Variants in XIRP2 observed in about 807,000 individuals in gnomAD.
XIRP2 encodes the protein xin actin-binding repeat-containing protein 2.
Under a neutral mutation model 277.0 loss-of-function variants are expected in XIRP2, and 236 were observed. The observed-to-expected ratio is 0.85, with a 90% CI of 0.77 to 0.95. The LOEUF (loss-of-function observed/expected upper bound fraction) is 0.95, where lower values mean the gene tolerates loss of function less well. Ranked by LOEUF, XIRP2 falls within the 40% of genes least tolerant of loss-of-function variation. XIRP2 has a pLI of 0.00. For synonymous variants in XIRP2, 1,490 were observed against 1,416.5 expected (o/e 1.05, Z -1.17); for missense variants, 4,640 against 4,157.5 (o/e 1.12, Z -3.19).
At chr2:166,972,593 A>G (rs1686609382) in intron 2 of XIRP2, among the ~76,000 whole-genome samples, 1 of 152,194 alleles carries the variant, frequency 6.6e-6, no homozygotes. Context: ...AACTCCAGCC[A>G]TAAAGTTTTA....
chr2:167,217,134 G>A (rs978207091), intron 4 of XIRP2, among the ~76,000 whole-genome samples: 6 of 133,622 alleles, frequency 4.5e-5, no homozygotes, highest in African/African-American at 5.7e-5. Context: ...GGACTGTGGT[G>A]GGGTGGGGGG....
chr2:166,918,767 G>A (rs1487298264), intron 2 of XIRP2, among the ~76,000 whole-genome samples: 5 of 152,060 alleles, frequency 3.3e-5, no homozygotes, highest in Non-Finnish European at 7.4e-5. Context: ...GGTTAAATAA[G>A]ATATTAAGAT....
At chr2:167,057,289 A>G (rs1203434322) in intron 2 of XIRP2, among the ~76,000 whole-genome samples, 1 of 152,140 alleles carries the variant, frequency 6.6e-6, no homozygotes, top group Admixed American at 6.6e-5. Flanking sequence ...AAGTTTTCGG[A>G]TCACCAGGAA....
intron 2 of XIRP2, among the ~76,000 whole-genome samples, chr2:167,098,031 G>A (rs1192196009): frequency 6.6e-6 from 1 of 152,086 alleles, no homozygotes; most frequent in East Asian, 1.9e-4. Flanking sequence ...GTGTCTTGGG[G>A]TTGCTCTTCT....
In XIRP2 at chr2:167,251,702, C is replaced by T. The variant is rs371282264; in HGVS notation, c.10310C>T (p.Ser3437Phe). Residue 3437 changes from serine to phenylalanine, a missense_variant, in exon 9 of 11, where the codon TCT (serine) becomes TTT (phenylalanine). Ser to Phe is a radical substitution (Grantham distance 155). Coordinates refer to ENST00000409195, the MANE Select transcript of XIRP2 (RefSeq NM_152381.6). ...SQIVESKMKT[S>F]SSHSSEAGKS... ...ATTGTTGAGTCGAAGATGAAAACCT[C>T]TTCATCACATAGCTCAGAAGCTGGC... 6.2e-7 allele frequency: 1 copy of T among 1,613,362 alleles called. No homozygotes were observed. The highest frequency in any genetic ancestry group is 1.3e-5 in the African/African-American group (1 of 74,950).
At chr2:167,122,279 G>A (rs570146498) in intron 2 of XIRP2, among the ~76,000 whole-genome samples, 8 of 152,140 alleles carry the variant, frequency 5.3e-5, no homozygotes, top group Non-Finnish European at 1.0e-4. Context: ...CAAAAATGGG[G>A]TAAGAACCAG....
At chr2:167,149,397 A>G (rs16853061) in intron 3 of XIRP2, among the ~76,000 whole-genome samples, 26,303 of 152,062 alleles carry the variant, frequency 0.17, 3,350 homozygotes, top group African/African-American at 0.36. Context: ...AAACAAGACT[A>G]TATAAAAATC....
intron 2 of XIRP2, among the ~76,000 whole-genome samples, chr2:167,016,911 A>T (rs1687842098): frequency 6.6e-6 from 1 of 151,984 alleles, no homozygotes; most frequent in Admixed American, 6.6e-5. Flanking sequence ...TAGTTCTTAT[A>T]TCATGCTTTT....
intron 2 of XIRP2, among the ~76,000 whole-genome samples, chr2:166,915,370 G>A (rs889398462): frequency 3.3e-5 from 5 of 151,576 alleles, no homozygotes; most frequent in Admixed American, 2.0e-4. Context: ...AAGCATGTGG[G>A]ATACACTTGC....
intron 3 of XIRP2, among the ~76,000 whole-genome samples, chr2:167,144,554 A>G (rs917279143): frequency 1.7e-4 from 26 of 152,128 alleles, no homozygotes; most frequent in Non-Finnish European, 1.6e-4. Flanking sequence ...GTTTTGTTTA[A>G]TATTTCAGCA....
At chr2:166,895,930 G>A (rs1558906761) in intron 1 of XIRP2, among the ~76,000 whole-genome samples, 1 of 152,124 alleles carries the variant, frequency 6.6e-6, no homozygotes, top group African/African-American at 2.4e-5. Context: ...GATATACTAA[G>A]AAGAAAACAG....
At chr2:166,987,167 G>C (rs747610998) in intron 2 of XIRP2, among the ~76,000 whole-genome samples, 2 of 152,106 alleles carry the variant, frequency 1.3e-5, no homozygotes, top group Non-Finnish European at 2.9e-5. Flanking sequence ...GGGATGAGGA[G>C]AAGAAAAAAT....
intron 2 of XIRP2, among the ~76,000 whole-genome samples, chr2:167,048,897 T>C (rs1265401207): frequency 6.6e-6 from 1 of 151,938 alleles, no homozygotes; most frequent in Admixed American, 6.6e-5. Context: ...CCTAGAATCT[T>C]GGTGTGAAAT....
intron 2 of XIRP2, among the ~76,000 whole-genome samples, chr2:166,925,333 A>G (rs1185001492): frequency 6.6e-6 from 1 of 151,872 alleles, no homozygotes; most frequent in East Asian, 1.9e-4. Context: ...TTACTGAATG[A>G]CTGATGCATT....
intron 2 of XIRP2, among the ~76,000 whole-genome samples, chr2:167,025,661 T>G (rs571737073): frequency 0.03 from 4,560 of 152,180 alleles, 76 homozygotes; most frequent in East Asian, 0.081. Context: ...TGTGTCTTTG[T>G]TCTCATTGGT....
At chr2:166,922,706 A>G (rs1401811556) in intron 2 of XIRP2, among the ~76,000 whole-genome samples, 3 of 151,674 alleles carry the variant, frequency 2.0e-5, no homozygotes, top group African/African-American at 7.3e-5. Context: ...CAGCAAGCCG[A>G]GATCACACCA....
At chr2:166,900,205 C>A (rs943634963) in intron 1 of XIRP2, among the ~76,000 whole-genome samples, 2 of 151,900 alleles carry the variant, frequency 1.3e-5, no homozygotes, top group South Asian at 2.1e-4. Flanking sequence ...AGATTTGATA[C>A]TTTCTATCAT....
intron 2 of XIRP2, among the ~76,000 whole-genome samples, chr2:167,018,513 C>A (rs1489262178): frequency 6.6e-6 from 1 of 151,930 alleles, no homozygotes; most frequent in Admixed American, 6.6e-5. Flanking sequence ...AGAAAGGGGA[C>A]AAGAAGACCA....
chr2:166,953,651 T>C (rs1340594024), intron 2 of XIRP2, among the ~76,000 whole-genome samples: 2 of 151,950 alleles, frequency 1.3e-5, no homozygotes. Context: ...TGCCTTTGAA[T>C]AGGAAGTAGA....
Sources: gnomAD v4.1 joint callset for allele counts (sites outside exome capture counted in the v4.1 genomes callset) on GRCh38, gnomAD v4.1.1 for gene constraint, MANE v1.5 for transcripts, NCBI Gene and HGNC (gene_info 2026-07-23, HGNC 2026-07-21) for gene names.